The following SLC9A9 variants were observed in gnomAD, a reference collection of about 807,000 sequenced individuals.
SLC9A9 encodes the protein solute carrier family 9 member A9.
Under a neutral mutation model 77.8 loss-of-function variants are expected in SLC9A9, and 62 were observed. The ratio of observed to expected loss-of-function variants is 0.80; its 90% confidence interval spans 0.65 to 0.98. The LOEUF (loss-of-function observed/expected upper bound fraction) is 0.98. Ranked by LOEUF, SLC9A9 falls within the 50% of genes least tolerant of loss-of-function variation. The pLI, the probability that SLC9A9 is intolerant of heterozygous loss-of-function variation, is 0.00. For missense variants in SLC9A9, 775 were observed against 774.9 expected, an observed-to-expected ratio of 1.00 and a Z score of 0.00; for synonymous variants, 320 against 283.5, an observed-to-expected ratio of 1.13 and a Z score of -1.29.
At chr3:143,673,630 AATTAATAAT>A (rs1386764898) in intron 5 of SLC9A9, among the ~76,000 whole-genome samples, 1 of 151,864 alleles carries the variant, frequency 6.6e-6, no homozygotes, top group African/African-American at 2.4e-5. Flanking sequence ...TTATATTGTT[AATTAATAAT>A]ATTAATAATA....
At chr3:143,741,403 A>T (rs562732532) in intron 4 of SLC9A9, among the ~76,000 whole-genome samples, 1 of 152,234 alleles carries the variant, frequency 6.6e-6, no homozygotes, top group Non-Finnish European at 1.5e-5. Context: ...TAATCAAAAT[A>T]TAAAACAAAC....
At chr3:143,552,596 T>C (rs2036912621) in intron 8 of SLC9A9, 146 bp from the exon 9 acceptor site, 1 of 678,406 alleles carries the variant, frequency 1.5e-6, no homozygotes, top group Admixed American at 2.3e-5. Flanking sequence ...CCTAGGTAAA[T>C]CTTGCACTTG....
chr3:143,727,715 T>C (rs1934692275), intron 4 of SLC9A9, among the ~76,000 whole-genome samples: 1 of 151,964 alleles, frequency 6.6e-6, no homozygotes, highest in Non-Finnish European at 1.5e-5. Context: ...GCTGAGAAAA[T>C]AAAACGAATT....
In SLC9A9 at chr3:143,342,927, G is replaced by T. The variant is rs138834702; in HGVS notation, c.1604+20557C>A. Among the ~76,000 whole-genome samples, 11 of 152,230 alleles carry T rather than the reference G, an allele frequency of 7.2e-5. No homozygotes were observed. The East Asian group carries it at 2.1e-3, about 29-fold the overall frequency. ...TTTCTTATCTATATGTGAACAAATT[G>T]TCAAAACAACCTCAAATGCTAGATG... On this transcript the variant is annotated intron_variant, in intron 14 of 15. Transcript: ENST00000316549.
At chr3:143,349,953 T>G (rs570429990) in intron 14 of SLC9A9, among the ~76,000 whole-genome samples, 2 of 152,322 alleles carry the variant, frequency 1.3e-5, no homozygotes, top group African/African-American at 4.8e-5. Flanking sequence ...GAGGCAAGGC[T>G]GGGCAAGTGG....
intron 9 of SLC9A9, among the ~76,000 whole-genome samples, chr3:143,542,270 C>T (rs991710082): frequency 1.3e-5 from 2 of 152,024 alleles, no homozygotes; most frequent in East Asian, 3.9e-4. Context: ...TAAATTCAAC[C>T]CTTCTAGGAT....
At chr3:143,552,277 C>T in intron 9 of SLC9A9, 85 bp downstream of exon 9, 3 of 941,680 alleles carry the variant, frequency 3.2e-6, no homozygotes, top group Non-Finnish European at 1.6e-6. Context: ...ACTAATGAAA[C>T]TCTTTCTGAC....
chr3:143,727,943 C>T (rs73871638), intron 4 of SLC9A9, among the ~76,000 whole-genome samples: 5,640 of 152,286 alleles, frequency 0.037, 358 homozygotes, highest in African/African-American at 0.13. Context: ...TACCATGGCC[C>T]CATGCCTATT....
intron 11 of SLC9A9, among the ~76,000 whole-genome samples, chr3:143,485,796 A>C (rs2035645120): frequency 6.6e-6 from 1 of 152,160 alleles, no homozygotes; most frequent in Admixed American, 6.5e-5. Flanking sequence ...GATATACTAG[A>C]CAAAGACTTT....
intron 4 of SLC9A9, among the ~76,000 whole-genome samples, chr3:143,733,655 G>C (rs1031249076): frequency 6.6e-6 from 1 of 152,040 alleles, no homozygotes; most frequent in Non-Finnish European, 1.5e-5. Flanking sequence ...AGAGAGACAG[G>C]CAAGATAGCC....
chr3:143,816,351 A>T (rs1220708832), intron 2 of SLC9A9, among the ~76,000 whole-genome samples: 1 of 152,220 alleles, frequency 6.6e-6, no homozygotes, highest in Non-Finnish European at 1.5e-5. Flanking sequence ...CCCCAGGTGC[A>T]TACCACCACA....
chr3:143,548,548 C>T (rs1188519974), intron 9 of SLC9A9, among the ~76,000 whole-genome samples: 1 of 152,178 alleles, frequency 6.6e-6, no homozygotes, highest in Non-Finnish European at 1.5e-5. Context: ...ACAAAGAACT[C>T]CAAGTCCAGG....
intron 4 of SLC9A9, among the ~76,000 whole-genome samples, chr3:143,735,464 T>A (rs539105851): frequency 6.6e-6 from 1 of 152,192 alleles, no homozygotes; most frequent in Non-Finnish European, 1.5e-5. Context: ...GGAGATGAAG[T>A]CTTTTTTCAT....
intron 12 of SLC9A9, among the ~76,000 whole-genome samples, chr3:143,425,973 C>CT (rs34690704): frequency 0.37 from 54,670 of 147,256 alleles, 10,268 homozygotes; most frequent in Middle Eastern, 0.42. Flanking sequence ...GCCACAATGG[C>CT]TTTTTTTTTT....
chr3:143,768,249 G>T (rs2007396075), intron 4 of SLC9A9, among the ~76,000 whole-genome samples: 1 of 152,146 alleles, frequency 6.6e-6, no homozygotes, highest in East Asian at 1.9e-4. Flanking sequence ...AAATAATGAT[G>T]ATTCCTGTGA....
At chr3:143,546,400 G>A (rs1305745579) in intron 9 of SLC9A9, among the ~76,000 whole-genome samples, 1 of 152,106 alleles carries the variant, frequency 6.6e-6, no homozygotes, top group East Asian at 1.9e-4. Context: ...CTTTTCAAAA[G>A]CAAATACATG....
chr3:143,408,568 G>C (rs1257508260), intron 12 of SLC9A9, among the ~76,000 whole-genome samples: 1 of 152,198 alleles, frequency 6.6e-6, no homozygotes, highest in Non-Finnish European at 1.5e-5. Flanking sequence ...AAACCGCCTC[G>C]AGCAGGGTGT....
intron 14 of SLC9A9, among the ~76,000 whole-genome samples, chr3:143,280,001 T>C (rs1402045563): frequency 1.3e-5 from 2 of 152,166 alleles, no homozygotes; most frequent in African/African-American, 4.8e-5. Flanking sequence ...TAATTTTTTT[T>C]GTAGGGACAG....
intron 13 of SLC9A9, among the ~76,000 whole-genome samples, chr3:143,368,202 G>T (rs2032960071): frequency 6.6e-6 from 1 of 152,148 alleles, no homozygotes; most frequent in Admixed American, 6.5e-5. Context: ...GCAGGCAGTG[G>T]ATAGTTTTCT....
Sources: allele counts gnomAD v4.1 joint callset (sites outside exome capture counted in the v4.1 genomes callset), GRCh38; gene constraint gnomAD v4.1.1; transcripts MANE v1.5; gene names NCBI Gene and HGNC (gene_info 2026-07-23, HGNC 2026-07-21).